TMEM65: variants seen among roughly 807,000 people sequenced by gnomAD.
TMEM65 encodes the protein transmembrane protein 65.
In TMEM65, 22 loss-of-function variants were observed where a neutral mutation model predicts 25.4. The observed-to-expected ratio is 0.86, with a 90% CI of 0.62 to 1.23. The LOEUF (loss-of-function observed/expected upper bound fraction) is 1.23, where lower values mean the gene tolerates loss of function less well. Among genes scored for constraint, TMEM65 ranks in the 50% most tolerant of loss-of-function variants. The probability of loss-of-function intolerance (pLI) is 0.00; values close to 1 mark genes in which losing one functional copy is unlikely to be tolerated. For synonymous variants in TMEM65, 132 were observed against 126.2 expected, an observed-to-expected ratio of 1.05 and a Z score of -0.31; for missense variants, 262 against 308.2, an observed-to-expected ratio of 0.85 and a Z score of 1.12.
chr8:124,345,908 T>C (rs983087483), intron 1 of TMEM65, among the ~76,000 whole-genome samples: 1 of 152,044 alleles, frequency 6.6e-6, no homozygotes, highest in Admixed American at 6.6e-5. Flanking sequence ...CATGCCTAGC[T>C]AATTTTTGTA....
At chr8:124,315,625 T>TCCTA (rs1814226693) in intron 6 of TMEM65, among the ~76,000 whole-genome samples, 1 of 152,062 alleles carries the variant, frequency 6.6e-6, no homozygotes, top group Admixed American at 6.6e-5. Flanking sequence ...CCAGCCCACA[T>TCCTA]CCTACAGTTT....
At chr8:124,340,915 T>C (rs1439983057) in intron 1 of TMEM65, among the ~76,000 whole-genome samples, 1 of 152,034 alleles carries the variant, frequency 6.6e-6, no homozygotes, top group Non-Finnish European at 1.5e-5. Flanking sequence ...AGTAAACATG[T>C]TCTGTGCCAC....
At chr8:124,343,292 G>A (rs1814602966) in intron 1 of TMEM65, among the ~76,000 whole-genome samples, 1 of 152,096 alleles carries the variant, frequency 6.6e-6, no homozygotes, top group African/African-American at 2.4e-5. Flanking sequence ...GAAGTCCTAT[G>A]TCCCTGATAA....
chr8:124,336,803 G>A (rs1278047990), intron 1 of TMEM65, among the ~76,000 whole-genome samples: 2 of 151,830 alleles, frequency 1.3e-5, no homozygotes, highest in Non-Finnish European at 3.0e-5. Flanking sequence ...GTAGTAGAAA[G>A]AAGCAATGAA....
At chr8:124,352,992 T>C (rs9643193) in intron 1 of TMEM65, among the ~76,000 whole-genome samples, 47,828 of 151,882 alleles carry the variant, frequency 0.31, 9,095 homozygotes, top group Non-Finnish European at 0.42. Flanking sequence ...CCGGGCATGG[T>C]AGTGCACGCC....
chr8:124,371,813 C>T, intron 1 of TMEM65, 41 bp downstream of exon 1: 1 of 1,483,164 alleles, frequency 6.7e-7, no homozygotes, highest in Non-Finnish European at 8.9e-7. Flanking sequence ...AAGAGGAGGG[C>T]GTCGGGGCCC....
chr8:124,357,688 T>G (rs1421074888), intron 1 of TMEM65, among the ~76,000 whole-genome samples: 3 of 152,136 alleles, frequency 2.0e-5, no homozygotes, highest in Non-Finnish European at 4.4e-5. Flanking sequence ...AATTAAACTT[T>G]TATTGACCAT....
intron 2 of TMEM65, among the ~76,000 whole-genome samples, chr8:124,327,838 T>C (rs1213626633): frequency 6.6e-6 from 1 of 152,190 alleles, no homozygotes; most frequent in Non-Finnish European, 1.5e-5. Context: ...ATTTCTGTAT[T>C]AGAAATAATG....
chr8:124,340,294 G>A (rs1480002672), intron 1 of TMEM65, among the ~76,000 whole-genome samples: 1 of 152,092 alleles, frequency 6.6e-6, no homozygotes, highest in Non-Finnish European at 1.5e-5. Flanking sequence ...CATCTATGAT[G>A]TATATCTATA....
At chr8:124,368,053 T>C (rs917242990) in intron 1 of TMEM65, among the ~76,000 whole-genome samples, 4 of 152,168 alleles carry the variant, frequency 2.6e-5, no homozygotes, top group Non-Finnish European at 5.9e-5. Context: ...TAGCCAGTTC[T>C]TGTCTCTCTG....
intron 1 of TMEM65, among the ~76,000 whole-genome samples, chr8:124,336,759 TAAG>T (rs541414481): frequency 7.9e-5 from 12 of 151,842 alleles, no homozygotes; most frequent in Non-Finnish European, 1.2e-4. Flanking sequence ...AGTTCCATCT[TAAG>T]AAGCTACAGA....
At chr8:124,343,498 T>C (rs1814606722) in intron 1 of TMEM65, among the ~76,000 whole-genome samples, 2 of 152,116 alleles carry the variant, frequency 1.3e-5, no homozygotes, top group Admixed American at 1.3e-4. Context: ...ATGACTGCCC[T>C]TGAATTCTGT....
chr8:124,346,221 C>A (rs1318036957), intron 1 of TMEM65, among the ~76,000 whole-genome samples: 3 of 152,160 alleles, frequency 2.0e-5, no homozygotes, highest in Non-Finnish European at 4.4e-5. Context: ...AGAACTTCCT[C>A]CCTATCATGA....
At chr8:124,325,727 A>G (rs1221720499) in intron 3 of TMEM65, among the ~76,000 whole-genome samples, 2 of 151,988 alleles carry the variant, frequency 1.3e-5, no homozygotes, top group Non-Finnish European at 2.9e-5. Flanking sequence ...GGGGAACACC[A>G]AATAGTGAAC....
intron 2 of TMEM65, among the ~76,000 whole-genome samples, chr8:124,328,053 C>A (rs1471394809): frequency 6.6e-6 from 1 of 152,138 alleles, no homozygotes; most frequent in Non-Finnish European, 1.5e-5. Context: ...CAAACTATCA[C>A]TTCACCTCTT....
At position 124,372,012 on chromosome 8, in the gene TMEM65, C is replaced by G; in HGVS notation, c.146G>C (p.Gly49Ala). 7.6e-7 allele frequency: 1 copy of G among 1,316,360 alleles called. No homozygotes were observed. The highest frequency in any genetic ancestry group is 9.7e-7 in the Non-Finnish European group (1 of 1,030,010). 81.5% of individuals were successfully genotyped at this position (1,316,360 alleles called of 1,614,324 possible). ...LALAPPGGLP[G>A]GPRRLGTHPK... ...GTGCGTGCCCAGCCGCCTGGGGCCG[C>G]CCGGCAAGCCGCCGGGGGGCGCGAG... The change falls in exon 1 of 7, where the codon GGC becomes GCC. Residue 49 changes from glycine (G) to alanine (A), a missense_variant. Gly to Ala is a moderately conservative substitution (Grantham distance 60). Coordinates refer to ENST00000297632, the MANE Select transcript of TMEM65 (RefSeq NM_194291.3).
intron 1 of TMEM65, among the ~76,000 whole-genome samples, chr8:124,354,927 A>C (rs1208873115): frequency 4.6e-5 from 7 of 152,246 alleles, no homozygotes; most frequent in Non-Finnish European, 1.5e-5. Flanking sequence ...GTTGTGCCAT[A>C]CTTGAAACTC....
chr8:124,362,829 A>G (rs1383411541), intron 1 of TMEM65, among the ~76,000 whole-genome samples: 4 of 152,138 alleles, frequency 2.6e-5, no homozygotes. Flanking sequence ...TGTAGTATTA[A>G]GAAGAAAGAA....
At chr8:124,371,722 G>A in intron 1 of TMEM65, 132 bp downstream of exon 1, 1 of 908,732 alleles carries the variant, frequency 1.1e-6, no homozygotes, top group South Asian at 2.0e-5. Context: ...CGTGGGGCCA[G>A]ACAGGCGAGG....
Sources: allele counts gnomAD v4.1 joint callset (sites outside exome capture counted in the v4.1 genomes callset), GRCh38; gene constraint gnomAD v4.1.1; transcripts MANE v1.5; gene names NCBI Gene and HGNC (gene_info 2026-07-23, HGNC 2026-07-21).